Variants in PLN observed in about 807,000 individuals in gnomAD.
PLN encodes phospholamban.
PLN carries 1 observed loss-of-function variant against 3.9 expected under a neutral mutation model. That is an observed-to-expected ratio of 0.26 (90% CI 0.09 to 1.23). The LOEUF (loss-of-function observed/expected upper bound fraction) is 1.23, where lower values mean the gene tolerates loss of function less well. Among genes scored for constraint, PLN ranks in the 50% most tolerant of loss-of-function variants. The probability of loss-of-function intolerance (pLI) is 0.48; values close to 1 mark genes in which losing one functional copy is unlikely to be tolerated. For synonymous variants in PLN, 21 were observed against 20.5 expected, an observed-to-expected ratio of 1.02 and a Z score of -0.07; for missense variants, 59 against 62.7, an observed-to-expected ratio of 0.94 and a Z score of 0.20.
chr6:118,553,535 G>A (rs981586442), intron 1 of PLN, among the ~76,000 whole-genome samples: 9 of 152,034 alleles, frequency 5.9e-5, no homozygotes, highest in South Asian at 2.1e-4. Flanking sequence ...ACATTTTAGC[G>A]TGTAAAGCAG....
chr6:118,554,165 G>C (rs1245594119), intron 1 of PLN, among the ~76,000 whole-genome samples: 2 of 152,110 alleles, frequency 1.3e-5, no homozygotes, highest in Non-Finnish European at 2.9e-5. Flanking sequence ...GCGCACACCT[G>C]TGGTCTCAGC....
intron 1 of PLN, among the ~76,000 whole-genome samples, chr6:118,553,215 T>TAAAAAAA (rs59502810): frequency 7.2e-6 from 1 of 138,940 alleles, no homozygotes; most frequent in Non-Finnish European, 1.6e-5. Flanking sequence ...GTTAAGAAAT[T>TAAAAAAA]AAAAAAAAAA....
chr6:118,550,168 A>G (rs1001693862), intron 1 of PLN, among the ~76,000 whole-genome samples: 1 of 151,968 alleles, frequency 6.6e-6, no homozygotes, highest in Admixed American at 6.6e-5. Context: ...TGACAGCACT[A>G]TCATTTCCTA....
intron 1 of PLN, among the ~76,000 whole-genome samples, chr6:118,557,554 T>C (rs1354239002): frequency 6.6e-6 from 1 of 152,190 alleles, no homozygotes; most frequent in Non-Finnish European, 1.5e-5. Context: ...TTCACTGGCA[T>C]GTTTAAGTTG....
chr6:118,551,011 A>G (rs918626391), intron 1 of PLN, among the ~76,000 whole-genome samples: 20 of 151,254 alleles, frequency 1.3e-4, no homozygotes, highest in African/African-American at 4.6e-4. Context: ...ACACACCCCA[A>G]TCAATCAAAG....
intron 1 of PLN, among the ~76,000 whole-genome samples, chr6:118,555,228 G>C (rs948733920): frequency 6.6e-6 from 1 of 151,972 alleles, no homozygotes; most frequent in Non-Finnish European, 1.5e-5. Context: ...TCGGGAGATC[G>C]AGACCATCCT....
At chr6:118,556,710 AT>A (rs1184807420) in intron 1 of PLN, among the ~76,000 whole-genome samples, 1 of 152,198 alleles carries the variant, frequency 6.6e-6, no homozygotes, top group Non-Finnish European at 1.5e-5. Flanking sequence ...ATTAACAATA[AT>A]ATATCAACAA....
intron 1 of PLN, among the ~76,000 whole-genome samples, chr6:118,556,208 AG>A (rs1388340546): frequency 6.6e-6 from 1 of 152,210 alleles, no homozygotes; most frequent in Non-Finnish European, 1.5e-5. Context: ...TGCTTTTATA[AG>A]CTGCTATTTT....
At chr6:118,558,646 CACACACACACACACAGAG>C (rs1219931310) in intron 1 of PLN, among the ~76,000 whole-genome samples, 161 bp from the exon 2 acceptor site, 7 of 143,330 alleles carry the variant, frequency 4.9e-5, no homozygotes, top group African/African-American at 1.6e-4. Flanking sequence ...CACACACACA[CACACACACACACACAGAG>C]AGAGAGAGAG....
chr6:118,558,615 A>ACACGTG (rs1167908425), intron 1 of PLN, among the ~76,000 whole-genome samples: 12 of 138,666 alleles, frequency 8.7e-5, no homozygotes, highest in Non-Finnish European at 1.6e-4. Flanking sequence ...ACACATAGAA[A>ACACGTG]CACGTGCACA....
Position 118,550,550 on chromosome 6 carries a change from T to C in PLN, c.-98+2158T>C, listed in dbSNP as rs199972183. Among the ~76,000 whole-genome samples, 5 of 151,890 alleles carry C rather than the reference T, an allele frequency of 3.3e-5. No homozygotes were observed. The East Asian group carries it at 7.7e-4, about 23-fold the overall frequency. The stretch of plus-strand genomic sequence containing the variant: ...ATTTCATTTGGTCCTCTTAATTATA[T>C]ATTTGATACTGCATCCCTATTCTAC... On this transcript the variant is annotated intron_variant, in intron 1 of 1. Transcript: ENST00000357525.
chr6:118,549,616 A>G (rs1255227398), intron 1 of PLN, among the ~76,000 whole-genome samples: 1 of 151,848 alleles, frequency 6.6e-6, no homozygotes, highest in Non-Finnish European at 1.5e-5. Flanking sequence ...ATTTTTGTCT[A>G]CCACTGAGGT....
At chr6:118,554,929 G>T (rs9481825) in intron 1 of PLN, among the ~76,000 whole-genome samples, 2 of 152,032 alleles carry the variant, frequency 1.3e-5, no homozygotes, top group African/African-American at 4.8e-5. Context: ...CAGTGTCAAC[G>T]TAGGGGATGA....
At chr6:118,557,123 TTAAGA>T (rs968552361) in intron 1 of PLN, among the ~76,000 whole-genome samples, 4 of 152,298 alleles carry the variant, frequency 2.6e-5, no homozygotes, top group Non-Finnish European at 4.4e-5. Flanking sequence ...AAAATGTTAC[TTAAGA>T]TAACATTCTA....
chr6:118,551,746 A>G (rs998355164), intron 1 of PLN, among the ~76,000 whole-genome samples: 2 of 152,028 alleles, frequency 1.3e-5, no homozygotes, highest in South Asian at 2.1e-4. Flanking sequence ...ACCAGACAGA[A>G]GCAGCTTGAA....
Position 118,559,093 on chromosome 6 carries a change from A to G in PLN, c.*13A>G. ...GATGCTTCTCTGAAGTTCTGCTACAACCTCTAGATCTGCAGCTTGCCACAT... is the reference window on the plus strand; with the variant it reads ...GATGCTTCTCTGAAGTTCTGCTACAGCCTCTAGATCTGCAGCTTGCCACAT... On this transcript the variant is annotated 3_prime_UTR_variant, in exon 2 of 2. Transcript: ENST00000357525. 1 of 1,602,166 alleles carries G rather than the reference A, an allele frequency of 6.2e-7. No individual in the cohort carries two copies. The highest frequency in any genetic ancestry group is 8.6e-7 in the Non-Finnish European group (1 of 1,169,126).
At chr6:118,552,706 C>T (rs1214927576) in intron 1 of PLN, among the ~76,000 whole-genome samples, 1 of 151,250 alleles carries the variant, frequency 6.6e-6, no homozygotes, top group African/African-American at 2.4e-5. Flanking sequence ...GAAAGGACGA[C>T]AACCAAAGGA....
rs371507549 is a variant in PLN at position 118,559,094 on chromosome 6, C to T, written c.*14C>T. The T allele has an allele frequency of 8.1e-6, 13 of 1,599,186 alleles. No individual in the cohort carries two copies. The African/African-American group carries it at 1.7e-4, about 21-fold the overall frequency. The stretch of plus-strand genomic sequence containing the variant: ...ATGCTTCTCTGAAGTTCTGCTACAA[C>T]CTCTAGATCTGCAGCTTGCCACATC... On this transcript the variant is annotated 3_prime_UTR_variant, in exon 2 of 2. Transcript: ENST00000357525.
chr6:118,549,519 CTATGACAAA>C (rs1778412566), intron 1 of PLN, among the ~76,000 whole-genome samples: 1 of 151,638 alleles, frequency 6.6e-6, no homozygotes, highest in East Asian at 1.9e-4. Context: ...TTCTCAATTC[CTATGACAAA>C]TGTTAATTCT....
Sources: gnomAD v4.1 joint callset for allele counts (sites outside exome capture counted in the v4.1 genomes callset) on GRCh38, gnomAD v4.1.1 for gene constraint, MANE v1.5 for transcripts, NCBI Gene and HGNC (gene_info 2026-07-23, HGNC 2026-07-21) for gene names.